The following BZW1 variants were observed in gnomAD, a reference collection of about 807,000 sequenced individuals.
BZW1 encodes eIF5-mimic protein 2.
BZW1 carries 3 observed loss-of-function variants against 54.1 expected under a neutral mutation model. That is an observed-to-expected ratio of 0.06 (90% CI 0.03 to 0.14). The LOEUF is 0.14. Ranked by LOEUF, BZW1 falls within the 10% of genes least tolerant of loss-of-function variation. The probability of loss-of-function intolerance (pLI) is 1.00; values close to 1 mark genes in which losing one functional copy is unlikely to be tolerated. For synonymous variants in BZW1, 152 were observed against 162.7 expected (o/e 0.93, Z 0.50); for missense variants, 206 against 491.7 (o/e 0.42, Z 5.50).
chr2:200,817,856 G>A, intron 6 of BZW1, 118 bp from the exon 7 acceptor site: 1 of 700,636 alleles, frequency 1.4e-6, no homozygotes, highest in East Asian at 2.7e-5. Context: ...TCAGGGTTAA[G>A]TTTGTGAGGA....
In BZW1 at chr2:200,822,125, CTG is replaced by C. The variant is rs764600134; in HGVS notation, c.1229-20_1229-19del. ...TTGCCTTCTGATACATAATGTTTGA[CTG>C]TTTTTTTCCCCTTTTCTAGAATCTG... On this transcript the variant is annotated intron_variant, in intron 11 of 11. Transcript: ENST00000409600. 2.6e-5 allele frequency: 42 copies of C among 1,596,644 alleles called. No homozygotes were observed. Among genetic ancestry groups the C allele is most frequent in the African/African-American group, 2.4e-4 (18 of 74,844 alleles).
intron 10 of BZW1, among the ~76,000 whole-genome samples, chr2:200,820,692 A>C (rs886064556): frequency 7.2e-5 from 11 of 152,086 alleles, no homozygotes; most frequent in Non-Finnish European, 1.6e-4. Flanking sequence ...TCAAAAAAAA[A>C]AAATCCCCAA....
intron 2 of BZW1, 32 bp downstream of exon 2, chr2:200,813,313 A>G: frequency 6.4e-7 from 1 of 1,557,814 alleles, no homozygotes; most frequent in Non-Finnish European, 8.8e-7. Flanking sequence ...TCTCTCTTCA[A>G]ACCTCCAGAA....
rs969368356 is a variant in BZW1 at position 200,827,052 on chromosome 2, A to G, written c.*4874A>G. ...GAAGCCTCTATGACTTCAAAAAGAT[A>G]CTCAACAGTCTCTGGCATTTGAAGA... On this transcript the variant is annotated 3_prime_UTR_variant, in exon 12 of 12. Transcript: ENST00000409600. The G allele has an allele frequency of 6.6e-6, 1 of 152,100 alleles. No homozygotes were observed. Among genetic ancestry groups the G allele is most frequent in the African/African-American group, 2.4e-5 (1 of 41,404 alleles). 9.4% of individuals were successfully genotyped at this position (152,100 alleles called of 1,614,324 possible). A position where few individuals can be genotyped will look rare whatever the true frequency, so the allele number is the denominator to read the frequency against.
At chr2:200,815,844 T>C in intron 4 of BZW1, 83 bp downstream of exon 4, 1 of 1,299,072 alleles carries the variant, frequency 7.7e-7, no homozygotes, top group South Asian at 1.6e-5. Context: ...TTAAGAGTTG[T>C]GGTTAGAAAG....
At chr2:200,814,386 C>G (rs980177124) in intron 2 of BZW1, among the ~76,000 whole-genome samples, 22 of 152,046 alleles carry the variant, frequency 1.4e-4, no homozygotes, top group African/African-American at 3.9e-4. Context: ...GAGGGAGTTT[C>G]CAGACACAAG....
At chr2:200,820,293 C>T (rs1381809213) in intron 10 of BZW1, 173 bp downstream of exon 10, 2 of 506,242 alleles carry the variant, frequency 4.0e-6, no homozygotes, top group Non-Finnish European at 6.8e-6. Context: ...TTGTTTAAAA[C>T]ATCTAAACCC....
chr2:200,815,861 G>A (rs1367625113), intron 4 of BZW1, 100 bp downstream of exon 4: 11 of 1,199,970 alleles, frequency 9.2e-6, no homozygotes, highest in Non-Finnish European at 7.9e-6. Context: ...AAAGTTGAAG[G>A]AATTTGATTT....
In BZW1 at chr2:200,821,102, G is replaced by A. The variant is rs1368471685; in HGVS notation, c.1106-81G>A. 18 of 1,511,132 alleles carry A rather than the reference G, an allele frequency of 1.2e-5. No individual in the cohort carries two copies. The East Asian group carries it at 2.5e-4, about 21-fold the overall frequency. 93.6% of individuals were successfully genotyped at this position (1,511,132 alleles called of 1,614,324 possible). ...TTTTCAGCAGTTTGTTTGCTAAGCA[G>A]GCATTTGCACATTAGGTGGTGGTTC... On this transcript the variant is annotated intron_variant, in intron 10 of 11. Transcript: ENST00000409600.
rs1325765337 is a variant in BZW1 at position 200,826,629 on chromosome 2, C to T, written c.*4451C>T. The T allele has an allele frequency of 2.1e-5, 1 of 46,928 alleles. No homozygotes were observed. Among genetic ancestry groups the T allele is most frequent in the African/African-American group, 5.6e-5 (1 of 17,852 alleles). 2.9% of individuals were successfully genotyped at this position (46,928 alleles called of 1,614,324 possible). Reference sequence around the variant, plus strand: ...ACTCAATCACTGTCATTTTAGTAACCTTGAATCAGAACCTCAGTTGTTAAA... The same window carrying T: ...ACTCAATCACTGTCATTTTAGTAACTTTGAATCAGAACCTCAGTTGTTAAA... On this transcript the variant is annotated 3_prime_UTR_variant, in exon 12 of 12. Transcript: ENST00000409600.
intron 11 of BZW1, 124 bp from the exon 12 acceptor site, chr2:200,822,023 G>A (rs1385911252): frequency 2.2e-5 from 19 of 846,140 alleles, no homozygotes; most frequent in Middle Eastern, 4.5e-4. Flanking sequence ...GAGCCAAGAG[G>A]GTGCTGCTGC....
intron 2 of BZW1, 45 bp downstream of exon 2, chr2:200,813,326 T>C (rs527549140): frequency 2.6e-6 from 4 of 1,510,304 alleles, no homozygotes; most frequent in Non-Finnish European, 2.7e-6. Flanking sequence ...CTCCAGAACA[T>C]CTTGTGTATC....
intron 1 of BZW1, chr2:200,812,928 A>G: frequency 1.5e-6 from 1 of 666,726 alleles, no homozygotes; most frequent in Non-Finnish European, 2.8e-6. Flanking sequence ...CTGAACAATT[A>G]GGTTTATGAC....
chr2:200,816,485 G>C (rs990116857), intron 5 of BZW1, 95 bp downstream of exon 5: 3 of 976,484 alleles, frequency 3.1e-6, no homozygotes, highest in Non-Finnish European at 4.4e-6. Flanking sequence ...GAGTAATTTT[G>C]CTTGTTTGTT....
At chr2:200,812,609 G>A in intron 1 of BZW1, 1 of 1,362,934 alleles carries the variant, frequency 7.3e-7, no homozygotes, top group Non-Finnish European at 9.7e-7. Flanking sequence ...GTGTGGATTG[G>A]GAGACACGTT....
chr2:200,814,574 A>G (rs530828220), intron 2 of BZW1, among the ~76,000 whole-genome samples: 177 of 152,278 alleles, frequency 1.2e-3, no homozygotes, highest in African/African-American at 4.1e-3. Flanking sequence ...GGAGCTTTCT[A>G]TTTTATTAAT....
chr2:200,812,000 G>A lies in BZW1; in HGVS notation c.-11+10G>A, dbSNP rs2038082090. On this transcript the variant is annotated intron_variant, in intron 1 of 11. Transcript: ENST00000409600. ...CTTCGCCTTAAATTCGGTGAGACGC[G>A]GCGCCCCGCTCACCCCGGGCGGACG... is the stretch of plus-strand genomic sequence containing the variant. 2.7e-6 allele frequency: 1 copy of A among 376,668 alleles called. No individual in the cohort carries two copies. The highest frequency in any genetic ancestry group is 4.7e-6 in the Non-Finnish European group (1 of 212,836). The allele number at this position is 376,668 out of a possible 1,614,324, so 23.3% of individuals were successfully genotyped here.
chr2:200,813,110 TC>T lies in BZW1; in HGVS notation c.-10-96del, dbSNP rs141704417. 7.8e-4 allele frequency: 756 copies of T among 970,378 alleles called. 8 individuals carry two copies. The African/African-American group carries it at 0.011, about 15-fold the overall frequency. The allele number at this position is 970,378 out of a possible 1,614,324, so 60.1% of individuals were successfully genotyped here. ...AGCTTTATATCCTGAGAGTGGGTGT[TC>T]CATTTGATTCATATGTGACTAGACT... On this transcript the variant is annotated intron_variant, in intron 1 of 11. Coordinates refer to ENST00000409600, the MANE Select transcript of BZW1 (RefSeq NM_001207067.2).
chr2:200,826,404 G>GATAGATAGATAGATAGAT lies in BZW1; in HGVS notation c.*4229_*4230insGATAGATAGATAGATATA, dbSNP rs1478189638. ...AGATAGATAGATAGATAGATAGATAGATATTTTTTTTTTTTTTTTTTTTTT... is the reference window on the plus strand; with the variant it reads ...AGATAGATAGATAGATAGATAGATAGATAGATAGATAGATAGATATATTTTTTTTTTTTTTTTTTTTTT... On this transcript the variant is annotated 3_prime_UTR_variant, in exon 12 of 12. Transcript: ENST00000409600. 4 of 55,748 alleles carry GATAGATAGATAGATAGAT rather than the reference G, an allele frequency of 7.2e-5. No homozygotes were observed. Among genetic ancestry groups the GATAGATAGATAGATAGAT allele is most frequent in the South Asian group, 9.1e-4 (2 of 2,196 alleles). The allele number at this position is 55,748 out of a possible 1,614,324, so 3.5% of individuals were successfully genotyped here. A position where few individuals can be genotyped will look rare whatever the true frequency, so the allele number is the denominator to read the frequency against.
Sources: gnomAD v4.1 joint callset for allele counts (sites outside exome capture counted in the v4.1 genomes callset) on GRCh38, gnomAD v4.1.1 for gene constraint, MANE v1.5 for transcripts, NCBI Gene and HGNC (gene_info 2026-07-23, HGNC 2026-07-21) for gene names.